The following STEAP3 variants were observed in gnomAD, a reference collection of about 807,000 sequenced individuals.
STEAP3 encodes STEAP3 metalloreductase, also known as metalloreductase STEAP3.
In STEAP3, 35 loss-of-function variants were observed where a neutral mutation model predicts 34.9. That is an observed-to-expected ratio of 1.00 (90% CI 0.76 to 1.33). The LOEUF (loss-of-function observed/expected upper bound fraction) is 1.33, where lower values mean the gene tolerates loss of function less well. Among genes scored for constraint, STEAP3 ranks in the 40% most tolerant of loss-of-function variants. The pLI, the probability that STEAP3 is intolerant of heterozygous loss-of-function variation, is 0.00. For synonymous variants in STEAP3, 281 were observed against 301.6 expected (o/e 0.93, Z 0.71); for missense variants, 652 against 667.6 (o/e 0.98, Z 0.26).
At chr2:119,239,264 T>G (rs1366357369) in intron 2 of STEAP3, 1 of 152,382 alleles carries the variant, frequency 6.6e-6, no homozygotes, top group Non-Finnish European at 1.5e-5. Flanking sequence ...GCGAGAATTT[T>G]TTTGTTTTTG....
At chr2:119,250,793 G>A (rs1380001093) in intron 4 of STEAP3, among the ~76,000 whole-genome samples, 1 of 152,200 alleles carries the variant, frequency 6.6e-6, no homozygotes, top group African/African-American at 2.4e-5. Flanking sequence ...CCAGGGCACA[G>A]AGGGGCGCAT....
intron 2 of STEAP3, among the ~76,000 whole-genome samples, chr2:119,239,690 T>C (rs2104807504): frequency 6.6e-6 from 1 of 152,250 alleles, no homozygotes; most frequent in East Asian, 1.9e-4. Flanking sequence ...CAGGCCCACC[T>C]CCTGCAGGAA....
Position 119,254,732 on chromosome 2 carries a change from A to T in STEAP3, c.1099A>T (p.Met367Leu), listed in dbSNP as rs767144294. 6.2e-7 allele frequency: 1 copy of T among 1,614,108 alleles called. No homozygotes were observed. The highest frequency in any genetic ancestry group is 2.2e-5 in the East Asian group (1 of 44,874). The change falls in exon 5 of 6, where the codon ATG becomes TTG. Residue 367 changes from methionine (M) to leucine (L), a missense_variant. Physicochemically the swap from Met to Leu is conservative, Grantham distance 15. Transcript: ENST00000393110. Reference sequence around the variant, plus strand: ...CTGGGTGGAGGAGGAGGTCTGGCGGATGGAGATCTACCTCTCCCTGGGAGT... The same window carrying T: ...CTGGGTGGAGGAGGAGGTCTGGCGGTTGGAGATCTACCTCTCCCTGGGAGT... ...HLWVEEEVWR[M>L]EIYLSLGVLA... is the part of the protein sequence containing the mutation.
At chr2:119,258,227 G>A (rs1176884213) in intron 5 of STEAP3, among the ~76,000 whole-genome samples, 3 of 152,170 alleles carry the variant, frequency 2.0e-5, no homozygotes, top group Admixed American at 2.0e-4. Flanking sequence ...ATTATAATTA[G>A]TGTATAATGA....
intron 4 of STEAP3, among the ~76,000 whole-genome samples, chr2:119,252,724 G>A (rs528044155): frequency 1.1e-4 from 17 of 152,256 alleles, no homozygotes; most frequent in African/African-American, 3.9e-4. Context: ...TTAATAGGCT[G>A]GCTGAGAATC....
intron 1 of STEAP3, among the ~76,000 whole-genome samples, chr2:119,224,173 GC>G (rs1678961173): frequency 6.6e-6 from 1 of 152,192 alleles, no homozygotes; most frequent in South Asian, 2.1e-4. Flanking sequence ...AGGCTCCGGA[GC>G]CCCGGGTGCA....
At chr2:119,242,668 TG>T (rs1346808852) in intron 2 of STEAP3, among the ~76,000 whole-genome samples, 1 of 152,248 alleles carries the variant, frequency 6.6e-6, no homozygotes, top group African/African-American at 2.4e-5. Context: ...GTGCTTATGA[TG>T]TGCTCAGCAC....
rs1199322542 is a variant in STEAP3 at position 119,254,695 on chromosome 2, C to T, written c.1062C>T (p.Asn354=). ...VNLAVKQVLA[N]KSHLWVEEEV... is the part of the protein sequence containing the mutation. ...TCCATCCATGTCAGGTCTTGGCCAA[C>T]AAGAGCCACCTCTGGGTGGAGGAGG... The change falls in exon 5 of 6, where the codon AAC becomes AAT. Residue 354 remains asparagine (N), a synonymous_variant. Transcript: ENST00000393110. 1.2e-6 allele frequency: 2 copies of T among 1,614,156 alleles called. No homozygotes were observed. Among genetic ancestry groups the T allele is most frequent in the Non-Finnish European group, 1.7e-6 (2 of 1,180,020 alleles).
intron 2 of STEAP3, among the ~76,000 whole-genome samples, chr2:119,239,952 AT>A (rs1225898930): frequency 6.6e-6 from 1 of 152,246 alleles, no homozygotes; most frequent in Non-Finnish European, 1.5e-5. Flanking sequence ...TTTTGAATGT[AT>A]TTTACTTATA....
intron 1 of STEAP3, among the ~76,000 whole-genome samples, chr2:119,227,829 T>TTTAC (rs1410754062): frequency 1.3e-5 from 2 of 151,294 alleles, no homozygotes; most frequent in African/African-American, 4.9e-5. Flanking sequence ...TATTTATTTA[T>TTTAC]TTATTTATTT....
At chr2:119,262,736 C>T (rs1677978846) in intron 5 of STEAP3, among the ~76,000 whole-genome samples, 1 of 152,122 alleles carries the variant, frequency 6.6e-6, no homozygotes, top group Non-Finnish European at 1.5e-5. Flanking sequence ...CAGCAGCCTC[C>T]AGAGATAACA....
At position 119,230,850 on chromosome 2, in the gene STEAP3, C is replaced by A; in HGVS notation, c.-163C>A. On this transcript the variant is annotated 5_prime_UTR_variant, in exon 2 of 6. Coordinates refer to ENST00000393110, the MANE Select transcript of STEAP3 (RefSeq NM_182915.3). The stretch of plus-strand genomic sequence containing the variant: ...GAGCTGGCGTGCAGGCTGCGGGAGG[C>A]AGCTGGCTGTGCAAGACCCTGGCAG... 1 of 861,384 alleles carries A rather than the reference C, an allele frequency of 1.2e-6. No individual in the cohort carries two copies. The highest frequency in any genetic ancestry group is 1.9e-6 in the Non-Finnish European group (1 of 534,640). 53.4% of individuals were successfully genotyped at this position (861,384 alleles called of 1,614,324 possible).
chr2:119,256,612 G>C (rs529687135), intron 5 of STEAP3, among the ~76,000 whole-genome samples: 21 of 152,210 alleles, frequency 1.4e-4, no homozygotes, highest in Non-Finnish European at 2.4e-4. Context: ...ACATATTAAA[G>C]AGTGGAAATA....
chr2:119,237,075 GT>G (rs1331431996), intron 2 of STEAP3, among the ~76,000 whole-genome samples: 1 of 152,240 alleles, frequency 6.6e-6, no homozygotes, highest in Admixed American at 6.5e-5. Flanking sequence ...CTGTGCTAGT[GT>G]GGTCTTTGTG....
At chr2:119,229,914 A>G (rs1679163328) in intron 1 of STEAP3, among the ~76,000 whole-genome samples, 1 of 150,212 alleles carries the variant, frequency 6.7e-6, no homozygotes, top group Non-Finnish European at 1.5e-5. Context: ...CCCTGCCCAC[A>G]GGGGCTTTCA....
intron 5 of STEAP3, among the ~76,000 whole-genome samples, chr2:119,261,806 C>T (rs1394717064): frequency 6.6e-6 from 1 of 152,216 alleles, no homozygotes; most frequent in South Asian, 2.1e-4. Context: ...CATTGCATCT[C>T]TTACAGAAAG....
chr2:119,247,806 G>A lies in STEAP3; in HGVS notation c.650G>A (p.Arg217His), dbSNP rs781048051. ...TGGGAGGTGGAGGCCATGCCCCTGCGCCTCCTCCCGGCCTGGAAGGTGCCC... is the reference window on the plus strand; with the variant it reads ...TGGGAGGTGGAGGCCATGCCCCTGCACCTCCTCCCGGCCTGGAAGGTGCCC... The part of the protein sequence containing the change: ...SAWEVEAMPL[R>H]LLPAWKVPTL... Residue 217 changes from arginine (R) to histidine (H), a missense_variant, in exon 4 of 6, where the codon CGC becomes CAC. Transcript: ENST00000393110. 2.0e-5 allele frequency: 32 copies of A among 1,611,568 alleles called. No homozygotes were observed. Among genetic ancestry groups the A allele is most frequent in the South Asian group, 1.5e-4 (14 of 91,068 alleles).
chr2:119,264,365 T>A lies in STEAP3; in HGVS notation c.*1027T>A, dbSNP rs546530318. The A allele has an allele frequency of 6.6e-6, 1 of 152,224 alleles. No individual in the cohort carries two copies. The highest frequency in any genetic ancestry group is 1.5e-5 in the Non-Finnish European group (1 of 68,048). 9.4% of individuals were successfully genotyped at this position (152,224 alleles called of 1,614,324 possible). A position where few individuals can be genotyped will look rare whatever the true frequency, so the allele number is the denominator to read the frequency against. ...ACGAAGTCAGTCCTGAGGAAAAATA[T>A]TGGGGACTCCAAATGTCCTCTGGCA... On this transcript the variant is annotated 3_prime_UTR_variant, in exon 6 of 6. Transcript: ENST00000393110.
At chr2:119,251,148 A>C (rs911673305) in intron 4 of STEAP3, among the ~76,000 whole-genome samples, 1 of 152,146 alleles carries the variant, frequency 6.6e-6, no homozygotes, top group Non-Finnish European at 1.5e-5. Flanking sequence ...CTTCAGCCCC[A>C]AACAGCAGGG....
Sources: gnomAD v4.1 joint callset for allele counts (sites outside exome capture counted in the v4.1 genomes callset) on GRCh38, gnomAD v4.1.1 for gene constraint, MANE v1.5 for transcripts, NCBI Gene and HGNC (gene_info 2026-07-23, HGNC 2026-07-21) for gene names.